Variants in DNER observed in about 807,000 individuals in gnomAD.
DNER encodes the protein delta and Notch-like epidermal growth factor-related receptor.
Under a neutral mutation model 78.2 loss-of-function variants are expected in DNER, and 33 were observed. The ratio of observed to expected loss-of-function variants is 0.42; its 90% CI spans 0.32 to 0.56. DNER has a LOEUF of 0.56. Ranked by LOEUF, DNER falls within the 20% of genes least tolerant of loss-of-function variation. The pLI, the probability that DNER is intolerant of heterozygous loss-of-function variation, is 0.11. For missense variants in DNER, 918 were observed against 975.3 expected, an observed-to-expected ratio of 0.94 and a Z score of 0.78; for synonymous variants, 417 against 384.8, an observed-to-expected ratio of 1.08 and a Z score of -0.98.
At chr2:229,638,283 TAA>T (rs966900484) in intron 1 of DNER, among the ~76,000 whole-genome samples, 2 of 152,224 alleles carry the variant, frequency 1.3e-5, no homozygotes, top group Non-Finnish European at 2.9e-5. Flanking sequence ...AAGAATGAGT[TAA>T]GAGGACTTAA....
chr2:229,706,924 A>C (rs1438148321), intron 1 of DNER, among the ~76,000 whole-genome samples: 25 of 152,176 alleles, frequency 1.6e-4, no homozygotes, highest in Admixed American at 1.4e-3. Flanking sequence ...AAAAATGTTA[A>C]AACCATTCTT....
chr2:229,690,784 A>G (rs975389953), intron 1 of DNER, among the ~76,000 whole-genome samples: 8 of 152,250 alleles, frequency 5.3e-5, no homozygotes, highest in African/African-American at 1.9e-4. Flanking sequence ...GAAAGTGACA[A>G]ACATTATGGA....
chr2:229,450,401 A>C lies in DNER; in HGVS notation c.1262-2861T>G, dbSNP rs528447000. 2.0e-5 allele frequency among the ~76,000 whole-genome samples: 3 copies of C among 152,358 alleles called. No homozygotes were observed. In the East Asian group the frequency reaches 5.8e-4, roughly 29 times the overall value. On this transcript the variant is annotated intron_variant, in intron 7 of 12. Coordinates refer to ENST00000341772, the MANE Select transcript of DNER (RefSeq NM_139072.4). ...CCCAGTAGAAGAGTTAATATTAAAT[A>C]TAGTTCTCAGTGGAGGTTGATAGTT...
At chr2:229,427,944 A>G (rs550389326) in intron 8 of DNER, among the ~76,000 whole-genome samples, 137 of 151,988 alleles carry the variant, frequency 9.0e-4, no homozygotes, top group Non-Finnish European at 1.6e-3. Flanking sequence ...GCGTGGTGGC[A>G]CACACCTATA....
chr2:229,570,667 A>C (rs1697202264), intron 4 of DNER, among the ~76,000 whole-genome samples: 2 of 152,024 alleles, frequency 1.3e-5, no homozygotes, highest in African/African-American at 4.8e-5. Flanking sequence ...ATGGGGGAAA[A>C]GAGAGCAGGG....
At chr2:229,699,634 G>A (rs1699712030) in intron 1 of DNER, among the ~76,000 whole-genome samples, 1 of 152,156 alleles carries the variant, frequency 6.6e-6, no homozygotes, top group Admixed American at 6.5e-5. Flanking sequence ...CAAAGTGCTT[G>A]GGATTACAAG....
At chr2:229,508,119 C>G (rs946568448) in intron 6 of DNER, among the ~76,000 whole-genome samples, 1 of 152,122 alleles carries the variant, frequency 6.6e-6, no homozygotes, top group African/African-American at 2.4e-5. Context: ...CATAATGAGA[C>G]TCCTTTTTAT....
intron 10 of DNER, among the ~76,000 whole-genome samples, chr2:229,397,771 A>G (rs927528461): frequency 7.9e-5 from 12 of 152,324 alleles, no homozygotes; most frequent in Non-Finnish European, 1.2e-4. Flanking sequence ...CTCATAAGTA[A>G]TCTATGGATC....
At chr2:229,507,733 T>C (rs1261897615) in intron 6 of DNER, among the ~76,000 whole-genome samples, 1 of 152,196 alleles carries the variant, frequency 6.6e-6, no homozygotes, top group East Asian at 1.9e-4. Flanking sequence ...TTTCATACTA[T>C]ATATATGTAA....
At position 229,509,006 on chromosome 2, in the gene DNER, T is replaced by C. The variant is rs112720665; in HGVS notation, c.1147+3777A>G. On this transcript the variant is annotated intron_variant, in intron 6 of 12. Transcript: ENST00000341772. ...TGGAGAGAAAGGAGAGGTGAAGGGATGAACAAAGGAGGAGCCTATAAGGTT... is the reference window on the plus strand; with the variant it reads ...TGGAGAGAAAGGAGAGGTGAAGGGACGAACAAAGGAGGAGCCTATAAGGTT... Among the ~76,000 whole-genome samples, 828 of 152,262 alleles carry C rather than the reference T, an allele frequency of 5.4e-3. 12 individuals are homozygous for C. Among genetic ancestry groups the C allele is most frequent in the African/African-American group, 0.019 (791 of 41,538 alleles).
At chr2:229,369,482 T>TA (rs1020504122) in intron 11 of DNER, among the ~76,000 whole-genome samples, 300 of 144,734 alleles carry the variant, frequency 2.1e-3, no homozygotes, top group Non-Finnish European at 3.5e-3. Flanking sequence ...TCTAAAAAGT[T>TA]AAAAAAAAAA....
At chr2:229,508,145 A>G (rs1695781963) in intron 6 of DNER, among the ~76,000 whole-genome samples, 1 of 152,236 alleles carries the variant, frequency 6.6e-6, no homozygotes, top group South Asian at 2.1e-4. Context: ...TCCAGTGGGC[A>G]GACATTAAGA....
intron 11 of DNER, among the ~76,000 whole-genome samples, chr2:229,375,904 T>G (rs1692586829): frequency 6.6e-6 from 1 of 152,132 alleles, no homozygotes; most frequent in East Asian, 1.9e-4. Flanking sequence ...GAGAGACAGG[T>G]GGAAGTAACT....
intron 1 of DNER, among the ~76,000 whole-genome samples, chr2:229,608,802 A>G (rs1316579129): frequency 2.0e-5 from 3 of 152,110 alleles, no homozygotes; most frequent in Non-Finnish European, 4.4e-5. Context: ...TTATTTATTT[A>G]TTTTTAATAA....
intron 11 of DNER, among the ~76,000 whole-genome samples, chr2:229,387,893 T>TGTGTGTG (rs3222719): frequency 0.015 from 1,057 of 71,954 alleles, 6 homozygotes; most frequent in African/African-American, 0.04. Context: ...GTGTGTGTGT[T>TGTGTGTG]TTTTAATTTT....
At chr2:229,551,880 G>A (rs545511808) in intron 4 of DNER, among the ~76,000 whole-genome samples, 17 of 151,854 alleles carry the variant, frequency 1.1e-4, no homozygotes, top group African/African-American at 2.2e-4. Context: ...TGCAGTGAAC[G>A]GAGATTGCAC....
At chr2:229,430,221 T>C (rs1295915767) in intron 8 of DNER, among the ~76,000 whole-genome samples, 1 of 152,228 alleles carries the variant, frequency 6.6e-6, no homozygotes, top group Non-Finnish European at 1.5e-5. Flanking sequence ...ATATTCATGT[T>C]TTCTAATTTT....
At chr2:229,706,425 T>C in intron 1 of DNER, among the ~76,000 whole-genome samples, 1 of 148,754 alleles carries the variant, frequency 6.7e-6, no homozygotes, top group African/African-American at 2.5e-5. Flanking sequence ...TAGCCGAATG[T>C]GGTGGCACAC....
At chr2:229,491,970 C>G (rs1022943988) in intron 6 of DNER, among the ~76,000 whole-genome samples, 59 of 144,016 alleles carry the variant, frequency 4.1e-4, no homozygotes, top group Non-Finnish European at 6.3e-4. Flanking sequence ...CACACACACA[C>G]ACACACAGAC....
Sources: gnomAD v4.1 joint callset for allele counts (sites outside exome capture counted in the v4.1 genomes callset) on GRCh38, gnomAD v4.1.1 for gene constraint, MANE v1.5 for transcripts, NCBI Gene and HGNC (gene_info 2026-07-23, HGNC 2026-07-21) for gene names.